The following HEG1 variants were observed in gnomAD, a reference collection of about 807,000 sequenced individuals.
The protein encoded by HEG1 is protein HEG homolog 1.
HEG1 carries 56 observed loss-of-function variants against 125.6 expected under a neutral mutation model. The ratio of observed to expected loss-of-function variants is 0.45; its 90% CI spans 0.36 to 0.56. The LOEUF is 0.56. Ranked by LOEUF, HEG1 falls within the 20% of genes least tolerant of loss-of-function variation. The pLI is 0.00. For missense variants in HEG1, 1,523 were observed against 1,670.0 expected (o/e 0.91, Z 1.53); for synonymous variants, 644 against 668.5 (o/e 0.96, Z 0.57).
intron 5 of HEG1, among the ~76,000 whole-genome samples, chr3:125,016,437 G>C (rs1392041673): frequency 6.6e-6 from 1 of 152,182 alleles, no homozygotes; most frequent in Admixed American, 6.5e-5. Context: ...AACCAACTGA[G>C]CATTAATTGC....
intron 2 of HEG1, 26 bp downstream of exon 2, chr3:125,029,160 CATGCGTGAA>C (rs1560030997): frequency 1.3e-6 from 2 of 1,590,580 alleles, no homozygotes; most frequent in Non-Finnish European, 1.7e-6. Flanking sequence ...ACTGGACACA[CATGCGTGAA>C]ATGCGCATCA....
intron 1 of HEG1, among the ~76,000 whole-genome samples, chr3:125,052,457 C>T (rs1937835651): frequency 6.6e-6 from 1 of 152,172 alleles, no homozygotes; most frequent in Admixed American, 6.5e-5. Context: ...GTTTCTCGGG[C>T]TGGCTGCTCA....
chr3:124,988,421 A>G (rs976707577), intron 14 of HEG1, among the ~76,000 whole-genome samples: 1 of 152,212 alleles, frequency 6.6e-6, no homozygotes, highest in Admixed American at 6.5e-5. Flanking sequence ...TCTTTAATTT[A>G]TTAAATAAAA....
At chr3:125,001,378 T>C (rs972144957) in intron 11 of HEG1, among the ~76,000 whole-genome samples, 5 of 152,198 alleles carry the variant, frequency 3.3e-5, no homozygotes, top group Non-Finnish European at 1.5e-5. Context: ...CTCGAACTCC[T>C]GGGCTTAAGG....
chr3:124,978,724 C>G (rs1296573904), intron 14 of HEG1, among the ~76,000 whole-genome samples: 1 of 151,392 alleles, frequency 6.6e-6, no homozygotes, highest in Non-Finnish European at 1.5e-5. Flanking sequence ...ATGGATGGGT[C>G]CAGGAGACCG....
intron 15 of HEG1, among the ~76,000 whole-genome samples, chr3:124,976,187 G>A (rs6774736): frequency 0.31 from 47,133 of 151,806 alleles, 7,365 homozygotes; most frequent in Non-Finnish European, 0.33. Flanking sequence ...GTGTTTTTTT[G>A]TTTTGTTTTG....
At chr3:124,975,499 T>G (rs946740576) in intron 15 of HEG1, among the ~76,000 whole-genome samples, 1 of 152,226 alleles carries the variant, frequency 6.6e-6, no homozygotes, top group Non-Finnish European at 1.5e-5. Flanking sequence ...ATTTCATCTT[T>G]CTTTGTCTGC....
intron 3 of HEG1, among the ~76,000 whole-genome samples, chr3:125,024,445 G>C (rs1478894933): frequency 6.6e-6 from 1 of 152,166 alleles, no homozygotes; most frequent in Non-Finnish European, 1.5e-5. Flanking sequence ...ACCTTCAAAA[G>C]GGAGCTTTTT....
chr3:124,995,452 A>G (rs1267384475), intron 12 of HEG1, among the ~76,000 whole-genome samples: 1 of 152,202 alleles, frequency 6.6e-6, no homozygotes, highest in Admixed American at 6.5e-5. Context: ...TTGTGTGTGC[A>G]TGTGTGTGTG....
chr3:125,052,029 C>A (rs1937817836), intron 1 of HEG1, among the ~76,000 whole-genome samples: 1 of 152,144 alleles, frequency 6.6e-6, no homozygotes, highest in African/African-American at 2.4e-5. Context: ...CATAACAGTT[C>A]AGCATGTGCA....
intron 1 of HEG1, among the ~76,000 whole-genome samples, chr3:125,030,016 G>C (rs1042846482): frequency 1.3e-5 from 2 of 152,162 alleles, no homozygotes; most frequent in East Asian, 1.9e-4. Context: ...ATAAATGATG[G>C]AAATTTATTG....
chr3:125,003,830 C>T (rs933541117), intron 9 of HEG1, among the ~76,000 whole-genome samples: 7 of 152,210 alleles, frequency 4.6e-5, no homozygotes, highest in East Asian at 3.8e-4. Flanking sequence ...GGAACTCTCC[C>T]GGACTCTCTG....
intron 3 of HEG1, among the ~76,000 whole-genome samples, chr3:125,026,919 G>C (rs545391462): frequency 6.6e-6 from 1 of 152,300 alleles, no homozygotes; most frequent in South Asian, 2.1e-4. Flanking sequence ...AGAATCGCTT[G>C]AACCTGGGAG....
intron 8 of HEG1, among the ~76,000 whole-genome samples, chr3:125,008,146 G>A (rs1405881160): frequency 1.3e-5 from 2 of 152,164 alleles, no homozygotes; most frequent in Non-Finnish European, 2.9e-5. Context: ...CTGATCTCAA[G>A]TGATCAGCCC....
intron 11 of HEG1, among the ~76,000 whole-genome samples, chr3:125,001,580 A>G (rs1936999698): frequency 6.6e-6 from 1 of 152,034 alleles, no homozygotes; most frequent in Non-Finnish European, 1.5e-5. Context: ...CCACATCAAC[A>G]CTGGATAAAA....
At chr3:124,981,131 G>A (rs1313766854) in intron 14 of HEG1, among the ~76,000 whole-genome samples, 5 of 151,836 alleles carry the variant, frequency 3.3e-5, no homozygotes, top group Non-Finnish European at 7.4e-5. Context: ...GAGCCACTGC[G>A]CCCAACCTGG....
intron 3 of HEG1, among the ~76,000 whole-genome samples, chr3:125,024,086 C>T (rs1937379314): frequency 6.6e-6 from 1 of 152,184 alleles, no homozygotes; most frequent in South Asian, 2.1e-4. Flanking sequence ...CTTAGCCACC[C>T]ACAGAAATAC....
intron 14 of HEG1, among the ~76,000 whole-genome samples, chr3:124,978,967 C>T (rs187396302): frequency 9.9e-4 from 146 of 148,096 alleles, no homozygotes; most frequent in Middle Eastern, 6.9e-3. Context: ...TTTTTTTTTC[C>T]GAGACGGAGT....
At chr3:125,004,408 G>C (rs1937041689) in intron 9 of HEG1, among the ~76,000 whole-genome samples, 1 of 152,166 alleles carries the variant, frequency 6.6e-6, no homozygotes, top group Admixed American at 6.5e-5. Flanking sequence ...TAGCAGTTGA[G>C]AAGCAAAGTT....
Sources: gnomAD v4.1 joint callset for allele counts (sites outside exome capture counted in the v4.1 genomes callset) on GRCh38, gnomAD v4.1.1 for gene constraint, MANE v1.5 for transcripts, NCBI Gene and HGNC (gene_info 2026-07-23, HGNC 2026-07-21) for gene names.